CFAP91: variants seen among roughly 807,000 people sequenced by gnomAD.
CFAP91 encodes cilia and flagella associated protein 91.
CFAP91 carries 85 observed loss-of-function variants against 95.9 expected under a neutral mutation model. The ratio of observed to expected loss-of-function variants is 0.89; its 90% CI spans 0.74 to 1.06. The LOEUF is 1.06. Ranked by LOEUF, CFAP91 falls within the 50% of genes least tolerant of loss-of-function variation. The pLI is 0.00. For missense variants in CFAP91, 962 were observed against 943.4 expected (o/e 1.02, Z -0.26); for synonymous variants, 335 against 327.5 (o/e 1.02, Z -0.25).
chr3:119,717,550 GT>G (rs1553706267), intron 6 of CFAP91, among the ~76,000 whole-genome samples: 29,257 of 129,942 alleles, frequency 0.23, 3,325 homozygotes, highest in African/African-American at 0.28. Context: ...AAATACGTTG[GT>G]TTTTTTTTTT....
At chr3:119,703,993 C>T (rs2107848056) in intron 1 of CFAP91, among the ~76,000 whole-genome samples, 1 of 152,346 alleles carries the variant, frequency 6.6e-6, no homozygotes, top group South Asian at 2.1e-4. Context: ...CTGAACCTTG[C>T]ATTGCTTTCA....
chr3:119,704,373 C>G (rs1170929138), intron 1 of CFAP91, among the ~76,000 whole-genome samples: 3 of 152,182 alleles, frequency 2.0e-5, no homozygotes, highest in African/African-American at 7.2e-5. Flanking sequence ...AATCTCGCCG[C>G]TAGTCATGGA....
At chr3:119,715,240 G>T in intron 5 of CFAP91, 1 of 397,912 alleles carries the variant, frequency 2.5e-6, no homozygotes, top group Non-Finnish European at 4.7e-6. Flanking sequence ...ATGCTGAACA[G>T]GTTCAGAAGT....
intron 17 of CFAP91, among the ~76,000 whole-genome samples, chr3:119,758,253 G>A (rs1185249594): frequency 2.0e-5 from 3 of 152,130 alleles, no homozygotes; most frequent in Non-Finnish European, 4.4e-5. Context: ...TTTGGAAATT[G>A]GCTATTGCTG....
chr3:119,729,873 T>G (rs2053861166), intron 7 of CFAP91, among the ~76,000 whole-genome samples: 1 of 152,178 alleles, frequency 6.6e-6, no homozygotes, highest in South Asian at 2.1e-4. Flanking sequence ...ACTCCCCCTA[T>G]TATGTAACCC....
At chr3:119,737,314 T>G in intron 10 of CFAP91, 52 bp from the exon 11 acceptor site, 1 of 1,175,292 alleles carries the variant, frequency 8.5e-7, no homozygotes, top group Non-Finnish European at 1.2e-6. Context: ...CCTCTTAAAT[T>G]TATGCAAATT....
At position 119,751,025 on chromosome 3, in the gene CFAP91, G is replaced by A; in HGVS notation, c.2232G>A (p.Glu744=). 1 of 1,613,812 alleles carries A rather than the reference G, an allele frequency of 6.2e-7. No homozygotes were observed. The highest frequency in any genetic ancestry group is 1.1e-5 in the South Asian group (1 of 91,014). ...TESMVQKKLT[E]GEQDEASNAA... is the part of the protein sequence containing the mutation. The stretch of plus-strand genomic sequence containing the variant: ...GCATGGTTCAAAAGAAATTAACTGA[G>A]GGAGAGCAAGATGAGGCCTCAAATG... The change falls in exon 17 of 18, where the codon GAG becomes GAA. Residue 744 remains glutamate, a synonymous_variant. Transcript: ENST00000273390.
Position 119,733,390 on chromosome 3 carries a change from C to T in CFAP91, c.1228C>T (p.Pro410Ser). Residue 410 changes from proline to serine, a missense_variant, in exon 10 of 18, where the codon CCA becomes TCA. Pro to Ser is a moderately conservative substitution (Grantham distance 74, BLOSUM62 -1). Transcript: ENST00000273390. ...ATTAGTGGAACTTGAGTCATGTCTC[C>T]CAGATTTTGTGACACAACCCCAAAT... ...EGLVELESCL[P>S]DFVTQPQIRA... 6.2e-7 allele frequency: 1 copy of T among 1,614,018 alleles called. No homozygotes were observed. The highest frequency in any genetic ancestry group is 8.5e-7 in the Non-Finnish European group (1 of 1,179,966).
chr3:119,713,083 T>TTATA lies in CFAP91; in HGVS notation c.501-2478_501-2477insATAT, dbSNP rs2053504446. 3.6e-5 allele frequency: 5 copies of TTATA among 139,680 alleles called. 1 individual carries two copies. Among genetic ancestry groups the TTATA allele is most frequent in the African/African-American group, 1.3e-4 (5 of 37,856 alleles). 8.7% of individuals were successfully genotyped at this position (139,680 alleles called of 1,614,324 possible). On this transcript the variant is annotated intron_variant, in intron 5 of 17. Transcript: ENST00000273390. ...CTTTTTTAAAAAATTTTTATTTTAT[T>TTATA]TTTATTTATTTATTTATTTATTTAT...
At chr3:119,722,911 A>G (rs1349100933) in intron 6 of CFAP91, among the ~76,000 whole-genome samples, 1 of 152,202 alleles carries the variant, frequency 6.6e-6, no homozygotes, top group East Asian at 1.9e-4. Context: ...ATAAACAAAG[A>G]TTTGGTGAAA....
Position 119,743,974 on chromosome 3 carries a change from G to C in CFAP91, c.1681-1G>C, listed in dbSNP as rs2054171286. On this transcript the variant is annotated splice_acceptor_variant, in intron 13 of 17. Transcript: ENST00000273390. LOFTEE classifies it high-confidence loss of function. The stretch of plus-strand genomic sequence containing the variant: ...CTTAAAGTTATGTTATTCTTTTCAA[G>C]GTGTCACTGGTTGAAAACCATTTGG... 1 of 1,595,786 alleles carries C rather than the reference G, an allele frequency of 6.3e-7. No individual in the cohort carries two copies. The highest frequency in any genetic ancestry group is 8.6e-7 in the Non-Finnish European group (1 of 1,169,348).
intron 16 of CFAP91, among the ~76,000 whole-genome samples, chr3:119,748,321 G>C (rs1559766933): frequency 2.0e-5 from 3 of 152,194 alleles, no homozygotes; most frequent in Non-Finnish European, 4.4e-5. Context: ...AGTCTACCCT[G>C]CTGCTCTGCC....
At chr3:119,740,262 C>T (rs1005593111) in intron 12 of CFAP91, among the ~76,000 whole-genome samples, 22 of 152,218 alleles carry the variant, frequency 1.4e-4, no homozygotes, top group African/African-American at 4.8e-4. Context: ...GGGGAAGGTT[C>T]TGGTTTCTTC....
rs903048089 is a variant in CFAP91, at chr3:119,706,879, C to A, written c.195C>A (p.Ser65Arg). 5.6e-6 allele frequency: 9 copies of A among 1,611,440 alleles called. No homozygotes were observed. Among genetic ancestry groups the A allele is most frequent in the Middle Eastern group, 1.6e-4 (1 of 6,082 alleles). Residue 65 changes from serine (S) to arginine (R), a missense_variant, in exon 2 of 18, where the codon AGC (serine) becomes AGA (arginine). Ser to Arg is a moderately radical substitution (Grantham distance 110). Coordinates refer to ENST00000273390, the MANE Select transcript of CFAP91 (RefSeq NM_033364.4). ...QANIQATLIR[S>R]RLRKVPRFKT... ...ATATCCAAGCTACCCTGATTCGCAG[C>A]AGACTGGTATGTCTAATTCATCAGC... is the stretch of plus-strand genomic sequence containing the variant.
At chr3:119,747,433 C>A in intron 15 of CFAP91, 170 bp downstream of exon 15, 1 of 222,180 alleles carries the variant, frequency 4.5e-6, no homozygotes, top group Non-Finnish European at 7.6e-6. Flanking sequence ...TGTATGCCTC[C>A]GTATGTATTC....
chr3:119,707,499 T>C lies in CFAP91; in HGVS notation c.297T>C (p.Phe99=). Reference sequence around the variant, plus strand: ...GCAAGTCAGATCCTGTCCCACCATTTATCAGTCGGGAATGGAAGGGACATA... The same window carrying C: ...GCAAGTCAGATCCTGTCCCACCATTCATCAGTCGGGAATGGAAGGGACATA... The part of the protein sequence containing the change: ...YWSKSDPVPP[F]ISREWKGHKE... Residue 99 remains phenylalanine (F), a synonymous_variant, in exon 3 of 18, where the codon TTT becomes TTC. Coordinates refer to ENST00000273390, the MANE Select transcript of CFAP91 (RefSeq NM_033364.4). The C allele has an allele frequency of 6.3e-7, 1 of 1,599,372 alleles. No individual in the cohort carries two copies. Among genetic ancestry groups the C allele is most frequent in the East Asian group, 2.2e-5 (1 of 44,716 alleles).
rs769052960 is a variant in CFAP91 at position 119,726,282 on chromosome 3, AGAG to A, written c.800_802del (p.Arg267del). The A allele has an allele frequency of 1.2e-6, 2 of 1,613,972 alleles. No individual in the cohort carries two copies. Among genetic ancestry groups the A allele is most frequent in the South Asian group, 2.2e-5 (2 of 91,038 alleles). ...CTGAGTGACACCTCCCAGTTTGAGA[AGAG>A]GAGGAAAATGATGAATGAAATGGAG... On this transcript the variant is annotated inframe_deletion, in exon 7 of 18. Coordinates refer to ENST00000273390, the MANE Select transcript of CFAP91 (RefSeq NM_033364.4).
At chr3:119,709,703 A>G in intron 4 of CFAP91, 136 bp from the exon 5 acceptor site, 1 of 687,660 alleles carries the variant, frequency 1.5e-6, no homozygotes, top group Non-Finnish European at 2.6e-6. Context: ...TTTTATGTCC[A>G]GAAGTTTGAG....
At chr3:119,744,541 C>T (rs529043947) in intron 14 of CFAP91, among the ~76,000 whole-genome samples, 3 of 152,212 alleles carry the variant, frequency 2.0e-5, no homozygotes, top group South Asian at 2.1e-4. Context: ...GGGAACAAGG[C>T]GGCCAGGAAG....
Sources: gnomAD v4.1 joint callset for allele counts (sites outside exome capture counted in the v4.1 genomes callset) on GRCh38, gnomAD v4.1.1 for gene constraint, MANE v1.5 for transcripts, NCBI Gene and HGNC (gene_info 2026-07-23, HGNC 2026-07-21) for gene names.